The following NRG3 variants were observed in gnomAD, a reference collection of about 807,000 sequenced individuals.
The protein encoded by NRG3 is pro-neuregulin-3, membrane-bound isoform.
In NRG3, 31 loss-of-function variants were observed where a neutral mutation model predicts 66.9. The observed-to-expected ratio is 0.46, with a 90% CI of 0.35 to 0.63. The LOEUF (loss-of-function observed/expected upper bound fraction) is 0.63. Ranked by LOEUF, NRG3 falls within the 20% of genes least tolerant of loss-of-function variation. The probability of loss-of-function intolerance (pLI) is 0.00; values close to 1 mark genes in which losing one functional copy is unlikely to be tolerated. For synonymous variants in NRG3, 393 were observed against 359.4 expected (o/e 1.09, Z -1.06); for missense variants, 910 against 878.9 (o/e 1.04, Z -0.45).
intron 1 of NRG3, among the ~76,000 whole-genome samples, chr10:81,894,629 A>G (rs980018635): frequency 9.2e-5 from 14 of 152,176 alleles, no homozygotes; most frequent in African/African-American, 2.9e-4. Flanking sequence ...GCACTAATCA[A>G]ACATAAAATA....
At chr10:82,121,278 G>T (rs1260925481) in intron 1 of NRG3, among the ~76,000 whole-genome samples, 1 of 152,098 alleles carries the variant, frequency 6.6e-6, no homozygotes. Flanking sequence ...CCACCTCCCA[G>T]ATACTTTCAA....
chr10:82,069,171 C>T (rs2064659906), intron 1 of NRG3, among the ~76,000 whole-genome samples: 1 of 152,142 alleles, frequency 6.6e-6, no homozygotes, highest in South Asian at 2.1e-4. Context: ...GATGGCTGTG[C>T]AGGCCTACTA....
intron 2 of NRG3, among the ~76,000 whole-genome samples, chr10:82,640,440 G>C (rs1043627683): frequency 6.6e-6 from 1 of 152,108 alleles, no homozygotes; most frequent in Non-Finnish European, 1.5e-5. Context: ...TGGACTGCCT[G>C]GTAACATTTC....
At chr10:82,649,667 T>C (rs935836751) in intron 2 of NRG3, among the ~76,000 whole-genome samples, 5 of 151,972 alleles carry the variant, frequency 3.3e-5, no homozygotes, top group African/African-American at 1.2e-4. Context: ...TTGGCCAGAC[T>C]GGTCTTGAAC....
chr10:81,878,112 C>A, intron 1 of NRG3: 2 of 1,505,122 alleles, frequency 1.3e-6, no homozygotes, highest in Non-Finnish European at 1.8e-6. Flanking sequence ...ATTTCTACCC[C>A]TCTATGCTCT....
intron 1 of NRG3, among the ~76,000 whole-genome samples, chr10:82,277,206 T>TAC (rs1191234991): frequency 2.6e-5 from 4 of 152,176 alleles, no homozygotes; most frequent in African/African-American, 9.6e-5. Context: ...GGCCTCTAAG[T>TAC]ACGTTTTGGA....
intron 2 of NRG3, among the ~76,000 whole-genome samples, chr10:82,686,477 C>T (rs1028903971): frequency 3.3e-5 from 5 of 152,106 alleles, no homozygotes; most frequent in African/African-American, 9.7e-5. Context: ...CACGAGCCAC[C>T]GCGCCCTGCC....
At chr10:82,060,385 G>A (rs2064078622) in intron 1 of NRG3, among the ~76,000 whole-genome samples, 1 of 152,178 alleles carries the variant, frequency 6.6e-6, no homozygotes, top group Non-Finnish European at 1.5e-5. Flanking sequence ...GTGCCATAAA[G>A]TGCTGAGGGG....
chr10:82,790,051 T>C (rs1036158927), intron 3 of NRG3, among the ~76,000 whole-genome samples: 1 of 152,134 alleles, frequency 6.6e-6, no homozygotes, highest in African/African-American at 2.4e-5. Context: ...CATATGACTT[T>C]ATGCATCATA....
intron 4 of NRG3, among the ~76,000 whole-genome samples, chr10:82,879,958 CTT>C (rs35159008): frequency 7.6e-5 from 6 of 78,436 alleles, no homozygotes; most frequent in South Asian, 5.2e-4. Flanking sequence ...GATTTCATCC[CTT>C]TTTTTTTTTT....
At chr10:82,512,730 CTT>C (rs1284751177) in intron 2 of NRG3, among the ~76,000 whole-genome samples, 15 of 152,162 alleles carry the variant, frequency 9.9e-5, no homozygotes, top group Middle Eastern at 3.4e-3. Context: ...CCTTGCTTCT[CTT>C]TTTAGCTTTA....
chr10:82,554,384 G>C (rs2044513505), intron 2 of NRG3, among the ~76,000 whole-genome samples: 1 of 152,090 alleles, frequency 6.6e-6, no homozygotes, highest in Non-Finnish European at 1.5e-5. Context: ...ACATCACACT[G>C]TACCCCGTGA....
chr10:82,611,885 A>T (rs1010478142), intron 2 of NRG3, among the ~76,000 whole-genome samples: 3 of 152,182 alleles, frequency 2.0e-5, no homozygotes, highest in African/African-American at 4.8e-5. Flanking sequence ...ACTCCCATCA[A>T]CAGTGTGAAA....
At chr10:82,518,371 T>C (rs1408671457) in intron 2 of NRG3, among the ~76,000 whole-genome samples, 1 of 152,274 alleles carries the variant, frequency 6.6e-6, no homozygotes, top group East Asian at 1.9e-4. Flanking sequence ...CAGAGGCTGG[T>C]GCTGAGGCTA....
At chr10:82,149,643 C>T (rs1382507382) in intron 1 of NRG3, among the ~76,000 whole-genome samples, 1 of 151,640 alleles carries the variant, frequency 6.6e-6, no homozygotes, top group African/African-American at 2.4e-5. Flanking sequence ...GGGAACAGAG[C>T]CTAATACTTT....
intron 2 of NRG3, among the ~76,000 whole-genome samples, chr10:82,554,243 A>G (rs770899944): frequency 1.3e-5 from 2 of 152,146 alleles, no homozygotes; most frequent in Non-Finnish European, 2.9e-5. Flanking sequence ...CACGGACAGT[A>G]TTGTATTTTA....
At chr10:82,350,626 A>G (rs1339410427) in intron 1 of NRG3, among the ~76,000 whole-genome samples, 5 of 152,198 alleles carry the variant, frequency 3.3e-5, no homozygotes, top group Non-Finnish European at 7.3e-5. Flanking sequence ...AGAGACATAC[A>G]TGTAGCTGTG....
At chr10:81,931,714 C>T (rs1847366528) in intron 1 of NRG3, among the ~76,000 whole-genome samples, 1 of 152,208 alleles carries the variant, frequency 6.6e-6, no homozygotes, top group Admixed American at 6.5e-5. Flanking sequence ...AGATGAACCT[C>T]ATCGTTCCCC....
rs869307444 is a variant in NRG3 at position 82,354,014 on chromosome 10, C to CTTT, written c.824-4704_824-4702dup. Among the ~76,000 whole-genome samples, 833 of 112,594 alleles carry CTTT rather than the reference C, an allele frequency of 7.4e-3. 16 individuals are homozygous for CTTT. Among genetic ancestry groups the CTTT allele is most frequent in the African/African-American group, 0.03 (790 of 26,448 alleles). The allele number at this position is 112,594 out of a possible 152,430, so 73.9% of individuals were successfully genotyped here. A position where few individuals can be genotyped will look rare whatever the true frequency, so the allele number is the denominator to read the frequency against. On this transcript the variant is annotated intron_variant, in intron 1 of 8. Transcript: ENST00000372141. ...AATAGAGTTTTTGTTCACTATAACA[C>CTTT]TTTTTTTTTTTTTTTTTTTTTTTCC... is the stretch of plus-strand genomic sequence containing the variant.
Sources: gnomAD v4.1 joint callset for allele counts (sites outside exome capture counted in the v4.1 genomes callset) on GRCh38, gnomAD v4.1.1 for gene constraint, MANE v1.5 for transcripts, NCBI Gene and HGNC (gene_info 2026-07-23, HGNC 2026-07-21) for gene names.